BAG4: variants seen among roughly 807,000 people sequenced by gnomAD.
BAG4 encodes BAG family molecular chaperone regulator 4.
Under a neutral mutation model 52.1 loss-of-function variants are expected in BAG4, and 28 were observed. The ratio of observed to expected loss-of-function variants is 0.54; its 90% confidence interval spans 0.40 to 0.74. The LOEUF (loss-of-function observed/expected upper bound fraction) is 0.74, where lower values mean the gene tolerates loss of function less well. Among genes scored for constraint, BAG4 ranks in the 30% least tolerant of loss-of-function variants. The pLI is 0.00. For synonymous variants in BAG4, 208 were observed against 217.0 expected (o/e 0.96, Z 0.37); for missense variants, 525 against 572.0 (o/e 0.92, Z 0.84).
intron 2 of BAG4, among the ~76,000 whole-genome samples, chr8:38,203,376 G>A (rs1247115280): frequency 2.7e-5 from 4 of 146,584 alleles, no homozygotes; most frequent in South Asian, 2.2e-4. Flanking sequence ...TCCGCCTCCC[G>A]AGTTCACGCC....
At chr8:38,180,227 A>C (rs1803237776) in intron 1 of BAG4, among the ~76,000 whole-genome samples, 1 of 152,174 alleles carries the variant, frequency 6.6e-6, no homozygotes, top group Non-Finnish European at 1.5e-5. Flanking sequence ...ACTCATACCA[A>C]AGATATGTAT....
intron 2 of BAG4, among the ~76,000 whole-genome samples, chr8:38,196,342 T>C (rs907016297): frequency 2.6e-4 from 39 of 152,128 alleles, no homozygotes; most frequent in African/African-American, 9.4e-4. Flanking sequence ...TCCTTACCAA[T>C]ACTTATTTTC....
At chr8:38,179,346 G>A (rs1035789969) in intron 1 of BAG4, among the ~76,000 whole-genome samples, 10 of 151,604 alleles carry the variant, frequency 6.6e-5, no homozygotes, top group South Asian at 2.1e-4. Flanking sequence ...AAGTAGAGAC[G>A]GGGTTTTGTC....
At position 38,210,247 on chromosome 8, in the gene BAG4, T is replaced by C. The variant is rs1026477110; in HGVS notation, c.1128T>C (p.Thr376=). 1.9e-6 allele frequency: 3 copies of C among 1,614,056 alleles called. No individual in the cohort carries two copies. The highest frequency in any genetic ancestry group is 2.5e-6 in the Non-Finnish European group (3 of 1,180,050). The change falls in exon 5 of 5, where the codon ACT becomes ACC. Residue 376 remains threonine (T), a synonymous_variant. Transcript: ENST00000287322. ...PEECVPSDES[T]PPSIKKIIHV... is the part of the protein sequence containing the mutation. Reference sequence around the variant, plus strand: ...AATGTGTACCTTCAGATGAAAGTACTCCTCCGAGTATTAAAAAAATCATAC... The same window carrying C: ...AATGTGTACCTTCAGATGAAAGTACCCCTCCGAGTATTAAAAAAATCATAC...
At chr8:38,185,035 G>T (rs1803341534) in intron 1 of BAG4, among the ~76,000 whole-genome samples, 1 of 150,868 alleles carries the variant, frequency 6.6e-6, no homozygotes. Flanking sequence ...ATTGCATTGA[G>T]CCGAGATCGC....
At chr8:38,207,833 C>A in intron 3 of BAG4, 67 bp downstream of exon 3, 1 of 1,558,818 alleles carries the variant, frequency 6.4e-7, no homozygotes, top group Admixed American at 1.8e-5. Flanking sequence ...AGTGGAAGAG[C>A]ATCTGTTCAT....
rs1161178024 is a variant in BAG4, at chr8:38,180,522, C to CAAAAAAA, written c.270+3403_270+3409dup. Among the ~76,000 whole-genome samples the CAAAAAAA allele has an allele frequency of 8.7e-4, 23 of 26,498 alleles. 2 individuals carry two copies. The highest frequency in any genetic ancestry group is 2.6e-3 in the African/African-American group (19 of 7,400). The allele number at this position is 26,498 out of a possible 152,430, so 17.4% of individuals were successfully genotyped here. Reference sequence around the variant, plus strand: ...TGGGCAGCAAAGCGAGACTCCGTCTCAAAAAAAAAAAAAAAAAAAAAAAAA... The same window carrying CAAAAAAA: ...TGGGCAGCAAAGCGAGACTCCGTCTCAAAAAAAAAAAAAAAAAAAAAAAAAAAAAAAA... On this transcript the variant is annotated intron_variant, in intron 1 of 4. Transcript: ENST00000287322.
chr8:38,185,642 G>T (rs746274196), intron 1 of BAG4, among the ~76,000 whole-genome samples: 15 of 152,094 alleles, frequency 9.9e-5, no homozygotes, highest in Non-Finnish European at 1.6e-4. Context: ...TCGGCTTACT[G>T]CAACCTCCAC....
chr8:38,177,215 T>A (rs1251212768), intron 1 of BAG4, 76 bp downstream of exon 1: 1 of 1,568,624 alleles, frequency 6.4e-7, no homozygotes, highest in East Asian at 2.3e-5. Context: ...TCGGGTTTCA[T>A]ACTTGTTTTC....
Position 38,210,108 on chromosome 8 carries a change from A to C in BAG4, c.989A>C (p.Asp330Ala), listed in dbSNP as rs866888503. ...GAATCCTCGGGGACAGTGAACAATGATGATTCAGATCTTTTGGATTCCCAA... is the reference window on the plus strand; with the variant it reads ...GAATCCTCGGGGACAGTGAACAATGCTGATTCAGATCTTTTGGATTCCCAA... Reference protein sequence around the residue: ...QYESSGTVNNDDSDLLDSQVQ... With the variant: ...QYESSGTVNNADSDLLDSQVQ... The change falls in exon 5 of 5, where the codon GAT becomes GCT. Residue 330 changes from aspartate to alanine, a missense_variant. Around this residue, in one of 2 missense-constraint regions of BAG4, gnomAD observed 238 missense variants for 305.8 expected, o/e 0.78. Transcript: ENST00000287322. 2 of 1,614,060 alleles carry C rather than the reference A, an allele frequency of 1.2e-6. No individual in the cohort carries two copies. Among genetic ancestry groups the C allele is most frequent in the Non-Finnish European group, 8.5e-7 (1 of 1,180,050 alleles).
rs111868190 is a variant in BAG4, at chr8:38,189,225, G to A, written c.271-3463G>A. On this transcript the variant is annotated intron_variant, in intron 1 of 4. Transcript: ENST00000287322. ...CTCCCAAAGTGTTGGGATTACAGAC[G>A]TAAGCCACCATGCCAGGCCTGAATT... is the stretch of plus-strand genomic sequence containing the variant. Among the ~76,000 whole-genome samples the A allele has an allele frequency of 3.6e-3, 550 of 152,256 alleles. 6 individuals carry two copies. The highest frequency in any genetic ancestry group is 0.012 in the African/African-American group (514 of 41,550).
chr8:38,184,365 G>A (rs752325087), intron 1 of BAG4, among the ~76,000 whole-genome samples: 1 of 152,086 alleles, frequency 6.6e-6, no homozygotes, highest in Non-Finnish European at 1.5e-5. Flanking sequence ...TACTCAGGAG[G>A]CTGAGGTGGG....
chr8:38,191,940 G>A (rs1212938016), intron 1 of BAG4, among the ~76,000 whole-genome samples: 1 of 152,138 alleles, frequency 6.6e-6, no homozygotes, highest in Non-Finnish European at 1.5e-5. Flanking sequence ...CTGAGTTGGA[G>A]AGAAAGGCTG....
In BAG4 at chr8:38,210,666, G is replaced by A. The variant is rs555103516; in HGVS notation, c.*173G>A. The stretch of plus-strand genomic sequence containing the variant: ...AGGAATGGAAGAATATTTTAGTCAT[G>A]AGTTGTTTTCAGTTTTCAGACGAAT... On this transcript the variant is annotated 3_prime_UTR_variant, in exon 5 of 5. Transcript: ENST00000287322. The A allele has an allele frequency of 5.6e-6, 5 of 894,530 alleles. No homozygotes were observed. The East Asian group carries it at 1.2e-4, about 22-fold the overall frequency. The allele number at this position is 894,530 out of a possible 1,614,324, so 55.4% of individuals were successfully genotyped here.
chr8:38,208,651 A>AT (rs1803816339), intron 3 of BAG4, among the ~76,000 whole-genome samples: 2 of 151,968 alleles, frequency 1.3e-5, no homozygotes, highest in Admixed American at 1.3e-4. Flanking sequence ...AACTATGTTT[A>AT]TTTCTCTGTT....
Position 38,192,680 on chromosome 8 carries a change from T to A in BAG4, c.271-8T>A. 6.3e-7 allele frequency: 1 copy of A among 1,593,034 alleles called. No individual in the cohort carries two copies. The highest frequency in any genetic ancestry group is 8.5e-7 in the Non-Finnish European group (1 of 1,169,942). ...TTAAGAGTGAATTTATTTTTCTTTT[T>A]TTCTTAGGAGCAGCCACCATATCCT... is the stretch of plus-strand genomic sequence containing the variant. On this transcript the variant is annotated splice_polypyrimidine_tract_variant and splice_region_variant and intron_variant, in intron 1 of 4. Coordinates refer to ENST00000287322, the MANE Select transcript of BAG4 (RefSeq NM_004874.4).
At chr8:38,200,824 C>T (rs541009164) in intron 2 of BAG4, among the ~76,000 whole-genome samples, 13 of 152,190 alleles carry the variant, frequency 8.5e-5, no homozygotes, top group Admixed American at 6.5e-4. Context: ...TCTCGAACTC[C>T]GGACCTCAGG....
intron 2 of BAG4, among the ~76,000 whole-genome samples, chr8:38,194,808 A>AT (rs1235168436): frequency 6.4e-5 from 7 of 109,478 alleles, no homozygotes; most frequent in Admixed American, 5.1e-4. Context: ...TTTCCATTAT[A>AT]TTTTTTTATC....
At chr8:38,181,059 G>T (rs1803257448) in intron 1 of BAG4, among the ~76,000 whole-genome samples, 1 of 151,132 alleles carries the variant, frequency 6.6e-6, no homozygotes, top group African/African-American at 2.4e-5. Context: ...TCCTGCCTCA[G>T]CCTCCCGAGT....
Sources: gnomAD v4.1 joint callset for allele counts (sites outside exome capture counted in the v4.1 genomes callset) on GRCh38, gnomAD v4.1.1 for gene constraint, gnomAD v4.1.1 regional missense constraint, MANE v1.5 for transcripts, NCBI Gene and HGNC (gene_info 2026-07-23, HGNC 2026-07-21) for gene names.